FBXO36: variants seen among roughly 807,000 people sequenced by gnomAD.
FBXO36 encodes the protein F-box only protein 36.
In FBXO36, 18 loss-of-function variants were observed where a neutral mutation model predicts 17.0. The observed-to-expected ratio is 1.06, with a 90% confidence interval of 0.73 to 1.57. FBXO36 has a LOEUF of 1.57. FBXO36 is among the 40% of genes most tolerant of loss of function. The pLI, the probability that FBXO36 is intolerant of heterozygous loss-of-function variation, is 0.00. For missense variants in FBXO36, 229 were observed against 221.9 expected (o/e 1.03, Z -0.20); for synonymous variants, 83 against 85.3 (o/e 0.97, Z 0.15).
intron 1 of FBXO36, among the ~76,000 whole-genome samples, chr2:229,954,332 C>T (rs183930162): frequency 3.4e-4 from 49 of 144,534 alleles, no homozygotes; most frequent in African/African-American, 1.1e-3. Context: ...AACCTCCGCC[C>T]CCTGGGTTCA....
At chr2:229,962,560 G>C (rs1362320669) in intron 1 of FBXO36, among the ~76,000 whole-genome samples, 1 of 116,296 alleles carries the variant, frequency 8.6e-6, no homozygotes, top group Non-Finnish European at 1.7e-5. Flanking sequence ...TGTAGAGATA[G>C]AGTTGCACTG....
At chr2:229,942,273 A>G (rs954603546) in intron 1 of FBXO36, among the ~76,000 whole-genome samples, 2 of 152,194 alleles carry the variant, frequency 1.3e-5, no homozygotes, top group African/African-American at 4.8e-5. Context: ...GGAGCTCCCA[A>G]GAGCACATGG....
At position 230,011,071 on chromosome 2, in the gene FBXO36, C is replaced by T. The variant is rs963972774; in HGVS notation, c.*187C>T. On this transcript the variant is annotated 3_prime_UTR_variant, in exon 4 of 4. Transcript: ENST00000283946. ...CTCCCCAGTGCCTTGCTAGAGTCAC[C>T]GTCATTCTGAGGTCAAATCATGGCC... The T allele has an allele frequency of 2.0e-5, 12 of 598,044 alleles. No homozygotes were observed. Among genetic ancestry groups the T allele is most frequent in the East Asian group, 1.8e-4 (6 of 32,616 alleles). 37.0% of individuals were successfully genotyped at this position (598,044 alleles called of 1,614,324 possible).
intron 1 of FBXO36, among the ~76,000 whole-genome samples, chr2:229,950,617 A>T (rs1045720632): frequency 6.6e-6 from 1 of 152,226 alleles, no homozygotes; most frequent in Non-Finnish European, 1.5e-5. Context: ...GAGTCAGGTC[A>T]GCCTCCTTTC....
intron 1 of FBXO36, chr2:229,939,231 C>T: frequency 2.0e-6 from 2 of 985,222 alleles, no homozygotes; most frequent in Non-Finnish European, 2.4e-6. Context: ...ACAGATACAA[C>T]TTTCTACCTC....
chr2:229,952,438 G>C (rs2077061918), intron 1 of FBXO36, among the ~76,000 whole-genome samples: 1 of 152,208 alleles, frequency 6.6e-6, no homozygotes, highest in African/African-American at 2.4e-5. Flanking sequence ...AAACATCTCA[G>C]ATTGCAAGAG....
At chr2:230,003,026 C>G (rs193280666) in intron 3 of FBXO36, among the ~76,000 whole-genome samples, 1 of 151,774 alleles carries the variant, frequency 6.6e-6, no homozygotes, top group African/African-American at 2.4e-5. Context: ...TCCTGGCCAA[C>G]ATGATGAAAC....
At chr2:229,930,475 G>A (rs2076933437) in intron 1 of FBXO36, among the ~76,000 whole-genome samples, 1 of 152,090 alleles carries the variant, frequency 6.6e-6, no homozygotes, top group African/African-American at 2.4e-5. Context: ...TTTAGGCTGG[G>A]CACGGTGACT....
In FBXO36 at chr2:229,996,697, T is replaced by C. The variant is rs983561490; in HGVS notation, c.206-54T>C. 4 of 1,520,198 alleles carry C rather than the reference T, an allele frequency of 2.6e-6. No homozygotes were observed. The African/African-American group carries it at 5.6e-5, about 21-fold the overall frequency. The allele number at this position is 1,520,198 out of a possible 1,614,324, so 94.2% of individuals were successfully genotyped here. ...AAGCTTGTATTTCACTGATTGTTAT[T>C]ATAATTTTTATGTGACTGTATATGA... On this transcript the variant is annotated intron_variant, in intron 2 of 3. Transcript: ENST00000283946.
chr2:229,930,108 G>A (rs889378099), intron 1 of FBXO36, among the ~76,000 whole-genome samples: 3 of 152,130 alleles, frequency 2.0e-5, no homozygotes, highest in Non-Finnish European at 4.4e-5. Context: ...AGCACGTTGG[G>A]AGACCTAGGC....
At chr2:229,961,282 C>T (rs1381453653) in intron 1 of FBXO36, among the ~76,000 whole-genome samples, 1 of 152,064 alleles carries the variant, frequency 6.6e-6, no homozygotes, top group Non-Finnish European at 1.5e-5. Flanking sequence ...AAATACCATG[C>T]TAATTTATAA....
At chr2:230,001,245 T>C (rs2077356933) in intron 3 of FBXO36, among the ~76,000 whole-genome samples, 1 of 152,192 alleles carries the variant, frequency 6.6e-6, no homozygotes, top group African/African-American at 2.4e-5. Context: ...CTGTTCCATT[T>C]ACCTGTTACA....
intron 2 of FBXO36, among the ~76,000 whole-genome samples, chr2:229,981,716 AAG>A (rs756873988): frequency 1.4e-5 from 2 of 141,390 alleles, no homozygotes. Flanking sequence ...AAAAAAAAAA[AAG>A]AAAGAAAGAA....
rs1228549422 is a variant in FBXO36 at position 230,012,050 on chromosome 2, CA to C, written c.*1169del. On this transcript the variant is annotated 3_prime_UTR_variant, in exon 4 of 4. Coordinates refer to ENST00000283946, the MANE Select transcript of FBXO36 (RefSeq NM_174899.5). ...TAATGACTCCTTTTAGGTTACAGAG[CA>C]AAGTAGCTTTCTACTTCCACATCAC... The C allele has an allele frequency of 1.3e-5, 2 of 152,252 alleles. No individual in the cohort carries two copies. Among genetic ancestry groups the C allele is most frequent in the Non-Finnish European group, 2.9e-5 (2 of 68,018 alleles). The allele number at this position is 152,252 out of a possible 1,614,324, so 9.4% of individuals were successfully genotyped here. A position where few individuals can be genotyped will look rare whatever the true frequency, so the allele number is the denominator to read the frequency against.
intron 1 of FBXO36, among the ~76,000 whole-genome samples, chr2:229,960,987 A>G (rs1313810597): frequency 6.6e-6 from 1 of 152,070 alleles, no homozygotes; most frequent in Non-Finnish European, 1.5e-5. Context: ...CGGGCACCAT[A>G]ATCCCAGCTA....
chr2:229,954,741 G>T (rs1037267605), intron 1 of FBXO36, among the ~76,000 whole-genome samples: 11 of 149,338 alleles, frequency 7.4e-5, no homozygotes, highest in Non-Finnish European at 1.5e-4. Flanking sequence ...TGGAGACGGG[G>T]TTTCACCGTG....
At chr2:229,956,260 C>T (rs2077086604) in intron 1 of FBXO36, among the ~76,000 whole-genome samples, 1 of 152,204 alleles carries the variant, frequency 6.6e-6, no homozygotes, top group Non-Finnish European at 1.5e-5. Context: ...AGGCCTCTCT[C>T]CTTGGCTTTC....
chr2:230,001,493 G>T (rs2077358706), intron 3 of FBXO36, among the ~76,000 whole-genome samples: 1 of 152,058 alleles, frequency 6.6e-6, no homozygotes, highest in Admixed American at 6.6e-5. Context: ...TCGCCATGTT[G>T]TCCAGGCTGG....
chr2:229,952,376 T>A (rs1315615773), intron 1 of FBXO36, among the ~76,000 whole-genome samples: 1 of 152,166 alleles, frequency 6.6e-6, no homozygotes, highest in East Asian at 1.9e-4. Context: ...AAGACACAGA[T>A]AATAGAATGG....
Sources: allele counts gnomAD v4.1 joint callset (sites outside exome capture counted in the v4.1 genomes callset), GRCh38; gene constraint gnomAD v4.1.1; transcripts MANE v1.5; gene names NCBI Gene and HGNC (gene_info 2026-07-23, HGNC 2026-07-21).